FIGNL2: variants seen among roughly 807,000 people sequenced by gnomAD.
The protein encoded by FIGNL2 is fidgetin like 2, also known as fidgetin-like protein 2.
For synonymous variants in FIGNL2, 565 were observed against 484.0 expected (o/e 1.17, Z -2.20); for missense variants, 1,060 against 950.2 (o/e 1.12, Z -1.52).
rs1321475980 is a variant in FIGNL2, at chr12:51,821,807, A to G, written c.607T>C (p.Tyr203His). 3 of 1,274,268 alleles carry G rather than the reference A, an allele frequency of 2.4e-6. No homozygotes were observed. Among genetic ancestry groups the G allele is most frequent in the Non-Finnish European group, 3.0e-6 (3 of 1,015,740 alleles). The allele number at this position is 1,274,268 out of a possible 1,614,324, so 78.9% of individuals were successfully genotyped here. The change falls in exon 2 of 2, where the codon TAC (tyrosine) becomes CAC (histidine). Residue 203 changes from tyrosine (Y) to histidine (H), a missense_variant. Physicochemically the swap from Tyr to His is moderately conservative, Grantham distance 83 (BLOSUM62 2). Transcript: ENST00000618634. Reference protein sequence around the residue: ...PPGYGPSAPLYNYPAGGYAAQ... With the variant: ...PPGYGPSAPLHNYPAGGYAAQ... The stretch of plus-strand genomic sequence containing the variant: ...GCGTAGCCCCCTGCGGGATAGTTGT[A>G]CAGCGGCGCTGAGGGCCCGTACCCC...
At position 51,834,116 on chromosome 12, in the gene FIGNL2, G is replaced by GATGGATGA. The variant is rs1565946397; in HGVS notation, c.-11-11693_-11-11692insTCATCCAT. ...GGATGGGTGGATGGATGGTTGGATG[G>GATGGATGA]ATGGATGGATGGATGGATGGATGGA... On this transcript the variant is annotated intron_variant, in intron 1 of 1. Coordinates refer to ENST00000618634, the MANE Select transcript of FIGNL2 (RefSeq NM_001384995.1). Among the ~76,000 whole-genome samples, 706 of 137,104 alleles carry GATGGATGA rather than the reference G, an allele frequency of 5.1e-3. 17 individuals carry two copies. The highest frequency in any genetic ancestry group is 0.018 in the African/African-American group (665 of 36,620). The allele number at this position is 137,104 out of a possible 152,430, so 89.9% of individuals were successfully genotyped here.
chr12:51,828,042 T>G (rs1939380778), intron 1 of FIGNL2, among the ~76,000 whole-genome samples: 1 of 152,132 alleles, frequency 6.6e-6, no homozygotes, highest in African/African-American at 2.4e-5. Flanking sequence ...AGCCAGAGAA[T>G]AGCCTGAGTC....
chr12:51,829,448 G>A (rs1373014937), intron 1 of FIGNL2, among the ~76,000 whole-genome samples: 1 of 152,126 alleles, frequency 6.6e-6, no homozygotes, highest in East Asian at 1.9e-4. Flanking sequence ...CACAGCCCTG[G>A]CACCTACCAT....
Position 51,830,785 on chromosome 12 carries a change from C to T in FIGNL2, c.-11-8361G>A, listed in dbSNP as rs145310717. On this transcript the variant is annotated intron_variant, in intron 1 of 1. Transcript: ENST00000618634. ...GATTACAGGCATGAGCCACCACACC[C>T]GGCCTACGCTCTTTTTTTCTTGAGA... is the stretch of plus-strand genomic sequence containing the variant. 2.3e-3 allele frequency among the ~76,000 whole-genome samples: 346 copies of T among 151,968 alleles called. 3 individuals are homozygous for T. The highest frequency in any genetic ancestry group is 7.8e-3 in the African/African-American group (322 of 41,442).
At position 51,819,944 on chromosome 12, in the gene FIGNL2, A is replaced by G; in HGVS notation, c.*508T>C. On this transcript the variant is annotated 3_prime_UTR_variant, in exon 2 of 2. Transcript: ENST00000618634. ...ACGCTGGAGAGCCAGGGATGGAGAC[A>G]GAAGCACAGAGGGTGAGGGATGGAG... 6.1e-6 allele frequency: 1 copy of G among 164,224 alleles called. No homozygotes were observed. Among genetic ancestry groups the G allele is most frequent in the Middle Eastern group, 2.5e-3 (1 of 396 alleles). The allele number at this position is 164,224 out of a possible 1,614,324, so 10.2% of individuals were successfully genotyped here.
rs1024148843 is a variant in FIGNL2 at position 51,821,198 on chromosome 12, C to A, written c.1216G>T (p.Glu406Ter). Residue 406 changes from glutamate to a stop codon, truncating the protein, a stop_gained, in exon 2 of 2, where the codon GAG becomes TAG. Coordinates refer to ENST00000618634, the MANE Select transcript of FIGNL2 (RefSeq NM_001384995.1). LOFTEE classifies it low-confidence loss of function (END_TRUNC). ...CTGAGCAGGGGCCACACCAGCTCCT[C>A]CTCCAGCGCCGCCTTGAGCGCGCCC... ...GQGALKAALE[E>*]ELVWPLLRPP... 91 of 1,519,494 alleles carry A rather than the reference C, an allele frequency of 6.0e-5. No individual in the cohort carries two copies. The highest frequency in any genetic ancestry group is 7.5e-5 in the Non-Finnish European group (86 of 1,140,380). The allele number at this position is 1,519,494 out of a possible 1,614,324, so 94.1% of individuals were successfully genotyped here.
chr12:51,831,394 C>G lies in FIGNL2; in HGVS notation c.-11-8970G>C, dbSNP rs568170362. 1.1e-3 allele frequency among the ~76,000 whole-genome samples: 160 copies of G among 152,238 alleles called. 1 individual carries two copies. Among genetic ancestry groups the G allele is most frequent in the South Asian group, 1.5e-3 (7 of 4,826 alleles). ...TGCAGAGCTGAGCAGGGAGTGCTGG[C>G]ACCCACTCCCCACAGCACCCCAGTT... On this transcript the variant is annotated intron_variant, in intron 1 of 1. Coordinates refer to ENST00000618634, the MANE Select transcript of FIGNL2 (RefSeq NM_001384995.1).
At position 51,821,184 on chromosome 12, in the gene FIGNL2, C is replaced by T. The variant is rs1939176233; in HGVS notation, c.1230G>A (p.Trp410Ter). 1 of 1,514,432 alleles carries T rather than the reference C, an allele frequency of 6.6e-7. No homozygotes were observed. The allele number at this position is 1,514,432 out of a possible 1,614,324, so 93.8% of individuals were successfully genotyped here. The change falls in exon 2 of 2, where the codon TGG (tryptophan) becomes TGA (stop). Residue 410 changes from tryptophan (W) to a stop codon, truncating the protein, a stop_gained. Coordinates refer to ENST00000618634, the MANE Select transcript of FIGNL2 (RefSeq NM_001384995.1). LOFTEE classifies it low-confidence loss of function (END_TRUNC). Reference sequence around the variant, plus strand: ...GGTAGGCGGGCGGCCTGAGCAGGGGCCACACCAGCTCCTCCTCCAGCGCCG... The same window carrying T: ...GGTAGGCGGGCGGCCTGAGCAGGGGTCACACCAGCTCCTCCTCCAGCGCCG... Reference protein sequence around the residue: ...LKAALEEELVWPLLRPPAYPG... With the variant: ...LKAALEEELV
In FIGNL2 at chr12:51,818,415, C is replaced by T. The variant is rs1199646111; in HGVS notation, c.*2037G>A. 6.6e-6 allele frequency: 1 copy of T among 152,070 alleles called. No individual in the cohort carries two copies. Among genetic ancestry groups the T allele is most frequent in the East Asian group, 1.9e-4 (1 of 5,192 alleles). The allele number at this position is 152,070 out of a possible 1,614,324, so 9.4% of individuals were successfully genotyped here. On this transcript the variant is annotated 3_prime_UTR_variant, in exon 2 of 2. Coordinates refer to ENST00000618634, the MANE Select transcript of FIGNL2 (RefSeq NM_001384995.1). ...ATACATACACACCTGAGAGAGAACCCCTCACTCCATGCTCCCTCCGAGGGT... is the reference window on the plus strand; with the variant it reads ...ATACATACACACCTGAGAGAGAACCTCTCACTCCATGCTCCCTCCGAGGGT...
intron 1 of FIGNL2, among the ~76,000 whole-genome samples, chr12:51,830,260 G>A (rs1706401708): frequency 1.3e-5 from 2 of 150,860 alleles, no homozygotes; most frequent in Non-Finnish European, 1.5e-5. Context: ...CTGCACTCCA[G>A]CCTGGGCAAC....
intron 1 of FIGNL2, chr12:51,847,767 G>C (rs936186539): frequency 6.6e-5 from 65 of 985,276 alleles, no homozygotes; most frequent in Middle Eastern, 1.0e-3. Context: ...TGCAGCGGCG[G>C]GGGGGTTGCT....
chr12:51,834,438 C>A (rs1939545835), intron 1 of FIGNL2, among the ~76,000 whole-genome samples: 2 of 152,108 alleles, frequency 1.3e-5, no homozygotes, highest in African/African-American at 4.8e-5. Context: ...TGGGAGAGGA[C>A]AAAAGGGGTG....
In FIGNL2 at chr12:51,820,573, A is replaced by T. The variant is rs575900984; in HGVS notation, c.1841T>A (p.Leu614Gln). The change falls in exon 2 of 2, where the codon CTG becomes CAG. Residue 614 changes from leucine (L) to glutamine (Q), a missense_variant. Physicochemically the swap from Leu to Gln is moderately radical, Grantham distance 113. Transcript: ENST00000618634. ...QAAAGAGLPG[L>Q]QRPLSYKDLE... is the part of the protein sequence containing the mutation. ...GTCCTTGTAGGAGAGGGGGCGCTGCAGCCCCGGGAGGCCCGCCCCGGCCGC... is the reference window on the plus strand; with the variant it reads ...GTCCTTGTAGGAGAGGGGGCGCTGCTGCCCCGGGAGGCCCGCCCCGGCCGC... 2.0e-4 allele frequency: 301 copies of T among 1,528,394 alleles called. No homozygotes were observed. The African/African-American group carries it at 2.7e-3, about 14-fold the overall frequency. The allele number at this position is 1,528,394 out of a possible 1,614,324, so 94.7% of individuals were successfully genotyped here.
chr12:51,822,566 T>TG, intron 1 of FIGNL2, 142 bp from the exon 2 acceptor site: 1 of 862,652 alleles, frequency 1.2e-6, no homozygotes, highest in Middle Eastern at 3.2e-4. Flanking sequence ...CCCACTCTCT[T>TG]GGGGCCCTCC....
intron 1 of FIGNL2, among the ~76,000 whole-genome samples, chr12:51,846,580 C>A (rs895764055): frequency 1.8e-4 from 28 of 152,172 alleles, no homozygotes; most frequent in Non-Finnish European, 2.9e-5. Context: ...CTCTCCCCAG[C>A]CTTCGCCCAG....
intron 1 of FIGNL2, chr12:51,845,545 C>T (rs75930377): frequency 0.04 from 39,092 of 985,442 alleles, 982 homozygotes; most frequent in South Asian, 0.13. Context: ...CCACATCTCC[C>T]TGCTGCAGCC....
At position 51,822,089 on chromosome 12, in the gene FIGNL2, C is replaced by T. The variant is rs768965788; in HGVS notation, c.325G>A (p.Ala109Thr). ...WPGPEPPYPL[A>T]SLHEGLPGTK... The stretch of plus-strand genomic sequence containing the variant: ...CCTGGGAGGCCTTCGTGGAGTGAGG[C>T]CAAGGGGTAGGGTGGCTCCGGCCCT... Residue 109 changes from alanine (A) to threonine (T), a missense_variant, in exon 2 of 2, where the codon GCC becomes ACC. Ala to Thr is a moderately conservative substitution (Grantham distance 58). Coordinates refer to ENST00000618634, the MANE Select transcript of FIGNL2 (RefSeq NM_001384995.1). 1.9e-6 allele frequency: 3 copies of T among 1,611,196 alleles called. No homozygotes were observed. Among genetic ancestry groups the T allele is most frequent in the African/African-American group, 1.3e-5 (1 of 74,884 alleles).
chr12:51,848,189 G>T (rs949050673), intron 1 of FIGNL2: 9 of 984,176 alleles, frequency 9.1e-6, no homozygotes, highest in African/African-American at 1.8e-5. Context: ...ACCCGAACCC[G>T]CAAACCTTGG....
chr12:51,828,705 G>A (rs1385000659), intron 1 of FIGNL2, among the ~76,000 whole-genome samples: 2 of 152,180 alleles, frequency 1.3e-5, no homozygotes, highest in Non-Finnish European at 2.9e-5. Flanking sequence ...GCCTGATGCA[G>A]GCAGTAGGTA....
Sources: allele counts gnomAD v4.1 joint callset (sites outside exome capture counted in the v4.1 genomes callset), GRCh38; gene constraint gnomAD v4.1.1; transcripts MANE v1.5; gene names NCBI Gene and HGNC (gene_info 2026-07-23, HGNC 2026-07-21).